ANTXR2: variants seen among roughly 807,000 people sequenced by gnomAD.
ANTXR2 encodes the protein anthrax toxin receptor 2.
ANTXR2 carries 44 observed loss-of-function variants against 73.7 expected under a neutral mutation model. The ratio of observed to expected loss-of-function variants is 0.60; its 90% CI spans 0.47 to 0.77. The LOEUF (loss-of-function observed/expected upper bound fraction) is 0.77. Among genes scored for constraint, ANTXR2 ranks in the 30% least tolerant of loss-of-function variants. ANTXR2 has a pLI of 0.00. For missense variants in ANTXR2, 604 were observed against 592.5 expected (o/e 1.02, Z -0.20); for synonymous variants, 217 against 205.9 (o/e 1.05, Z -0.46).
intron 7 of ANTXR2, among the ~76,000 whole-genome samples, chr4:80,044,233 G>A (rs1733412091): frequency 6.6e-6 from 1 of 151,956 alleles, no homozygotes; most frequent in African/African-American, 2.4e-5. Context: ...TGAGTTTTGT[G>A]AGAACCTTGA....
At chr4:79,992,596 G>C (rs1272049793) in intron 12 of ANTXR2, among the ~76,000 whole-genome samples, 1 of 151,632 alleles carries the variant, frequency 6.6e-6, no homozygotes, top group Non-Finnish European at 1.5e-5. Flanking sequence ...AATGCCAGTA[G>C]AGAATTAAGA....
intron 3 of ANTXR2, among the ~76,000 whole-genome samples, chr4:80,067,109 G>C (rs926531781): frequency 2.6e-5 from 4 of 152,086 alleles, no homozygotes; most frequent in African/African-American, 9.7e-5. Flanking sequence ...GGGAGGCTGA[G>C]GCAGGAGAAT....
chr4:79,909,000 T>C (rs72871832), intron 16 of ANTXR2, among the ~76,000 whole-genome samples: 3,984 of 152,226 alleles, frequency 0.026, 155 homozygotes, highest in African/African-American at 0.091. Context: ...AATGACATCA[T>C]ACATAAATAA....
At chr4:80,040,625 C>T (rs1175105773) in intron 7 of ANTXR2, among the ~76,000 whole-genome samples, 1 of 151,800 alleles carries the variant, frequency 6.6e-6, no homozygotes, top group Non-Finnish European at 1.5e-5. Flanking sequence ...CACCATAGAC[C>T]AATAGATCAA....
At chr4:79,985,026 G>C (rs1730065602) in intron 12 of ANTXR2, among the ~76,000 whole-genome samples, 163 bp from the exon 13 acceptor site, 1 of 152,030 alleles carries the variant, frequency 6.6e-6, no homozygotes, top group African/African-American at 2.4e-5. Context: ...ATCTTGGATT[G>C]CCTGTAACTA....
At chr4:79,966,119 A>G (rs947473143) in intron 16 of ANTXR2, among the ~76,000 whole-genome samples, 14 of 63,798 alleles carry the variant, frequency 2.2e-4, no homozygotes, top group African/African-American at 6.7e-5. Flanking sequence ...TGATTATGCT[A>G]GGACTTAGAC....
At chr4:79,946,274 C>T (rs1014815271) in intron 16 of ANTXR2, among the ~76,000 whole-genome samples, 1 of 152,068 alleles carries the variant, frequency 6.6e-6, no homozygotes, top group African/African-American at 2.4e-5. Context: ...TAAGTTAGGT[C>T]GTGTGCCTCT....
intron 12 of ANTXR2, among the ~76,000 whole-genome samples, chr4:79,998,101 T>C (rs1330651450): frequency 6.6e-6 from 1 of 152,010 alleles, no homozygotes; most frequent in Non-Finnish European, 1.5e-5. Context: ...GCATTATTAC[T>C]ATTTAGAAAA....
intron 7 of ANTXR2, among the ~76,000 whole-genome samples, chr4:80,050,394 C>A (rs543069996): frequency 2.6e-5 from 4 of 151,562 alleles, no homozygotes; most frequent in Admixed American, 2.6e-4. Flanking sequence ...GTACCTAAGA[C>A]CTTGTTTAAG....
At position 79,904,769 on chromosome 4, in the gene ANTXR2, G is replaced by A. The variant is rs1184523210; in HGVS notation, c.*2660C>T. ...TTTACACAGAAAGTAGATCTTGACT[G>A]ACATGGTGTCCAGAAAATCAAACAG... is the stretch of plus-strand genomic sequence containing the variant. On this transcript the variant is annotated 3_prime_UTR_variant, in exon 17 of 17. Coordinates refer to ENST00000403729, the MANE Select transcript of ANTXR2 (RefSeq NM_058172.6). 1.3e-5 allele frequency: 2 copies of A among 152,120 alleles called. No individual in the cohort carries two copies. Among genetic ancestry groups the A allele is most frequent in the African/African-American group, 2.4e-5 (1 of 41,436 alleles). 9.4% of individuals were successfully genotyped at this position (152,120 alleles called of 1,614,324 possible). A position where few individuals can be genotyped will look rare whatever the true frequency, so the allele number is the denominator to read the frequency against.
At chr4:79,989,793 T>C (rs920389226) in intron 12 of ANTXR2, among the ~76,000 whole-genome samples, 2 of 152,134 alleles carry the variant, frequency 1.3e-5, no homozygotes, top group African/African-American at 2.4e-5. Flanking sequence ...CATGATCCAG[T>C]AGACTTTATC....
chr4:80,025,421 T>C (rs1578166091), intron 10 of ANTXR2, among the ~76,000 whole-genome samples: 2 of 152,344 alleles, frequency 1.3e-5, no homozygotes, highest in South Asian at 4.1e-4. Context: ...TCTGACTTTA[T>C]ATATATCCAA....
rs1560867650 is a variant in ANTXR2 at position 79,926,989 on chromosome 4, A to ATGTGTATATATACACATGTGCATATGTG, written c.1429-19523_1429-19522insCACATATGCACATGTGTATATATACACA. On this transcript the variant is annotated intron_variant, in intron 16 of 16. Transcript: ENST00000403729. ...TATGTGTATATATACGTGTGCATAT[A>ATGTGTATATATACACATGTGCATATGTG]TGTGTATATATACACGTGTGCATAT... is the stretch of plus-strand genomic sequence containing the variant. Among the ~76,000 whole-genome samples the ATGTGTATATATACACATGTGCATATGTG allele has an allele frequency of 2.1e-5, 3 of 145,898 alleles. No individual in the cohort carries two copies. In the Admixed American group the frequency reaches 2.1e-4, roughly 10 times the overall value.
intron 16 of ANTXR2, among the ~76,000 whole-genome samples, chr4:79,935,029 C>T (rs577648829): frequency 3.4e-4 from 52 of 151,646 alleles, no homozygotes; most frequent in African/African-American, 1.2e-3. Context: ...ACCAACATGG[C>T]ACATGTATAC....
chr4:79,978,102 T>A lies in ANTXR2; in HGVS notation c.1252A>T (p.Ile418Phe), dbSNP rs771278299. The A allele has an allele frequency of 6.2e-7, 1 of 1,613,962 alleles. No homozygotes were observed. The highest frequency in any genetic ancestry group is 1.1e-5 in the South Asian group (1 of 91,078). The change falls in exon 15 of 17, where the codon ATT (isoleucine) becomes TTT (phenylalanine). Residue 418 changes from isoleucine to phenylalanine, a missense_variant. Ile to Phe is a conservative substitution (Grantham distance 21). Transcript: ENST00000403729. Reference sequence around the variant, plus strand: ...ATGGGTTCCTCTGTTTCTTCAGGAATCTTCACCACAGCATTTTTGGCTTTC... The same window carrying A: ...ATGGGTTCCTCTGTTTCTTCAGGAAACTTCACCACAGCATTTTTGGCTTTC... ...LEKAKNAVVK[I>F]PEETEEPIRP...
chr4:79,991,259 C>CA, intron 12 of ANTXR2, among the ~76,000 whole-genome samples: 1 of 151,658 alleles, frequency 6.6e-6, no homozygotes, highest in Non-Finnish European at 1.5e-5. Flanking sequence ...AGGCAAAAAA[C>CA]AAACAACCTC....
At chr4:80,053,972 AG>A (rs1733873676) in intron 7 of ANTXR2, among the ~76,000 whole-genome samples, 2 of 151,728 alleles carry the variant, frequency 1.3e-5, no homozygotes, top group Admixed American at 1.3e-4. Flanking sequence ...TAAAACTTTC[AG>A]GATATCAAGA....
intron 7 of ANTXR2, among the ~76,000 whole-genome samples, chr4:80,050,868 TA>T (rs1733741171): frequency 6.6e-6 from 1 of 151,758 alleles, no homozygotes. Context: ...TCCCATGCTC[TA>T]AATTAATCTT....
intron 7 of ANTXR2, among the ~76,000 whole-genome samples, chr4:80,038,170 A>T (rs144740931): frequency 1.3e-5 from 2 of 152,278 alleles, no homozygotes; most frequent in Admixed American, 1.3e-4. Context: ...GATTTTCTAA[A>T]GATCATGTCA....
Sources: allele counts gnomAD v4.1 joint callset (sites outside exome capture counted in the v4.1 genomes callset), GRCh38; gene constraint gnomAD v4.1.1; transcripts MANE v1.5; gene names NCBI Gene and HGNC (gene_info 2026-07-23, HGNC 2026-07-21).